Variants in PTDSS1 observed in about 807,000 individuals in gnomAD.
PTDSS1 encodes the protein phosphatidylserine synthase 1.
In PTDSS1, 45 loss-of-function variants were observed where a neutral mutation model predicts 70.5. That is an observed-to-expected ratio of 0.64 (90% CI 0.50 to 0.82). PTDSS1 has a LOEUF of 0.82. Ranked by LOEUF, PTDSS1 falls within the 40% of genes least tolerant of loss-of-function variation. The probability of loss-of-function intolerance (pLI) is 0.00; values close to 1 mark genes in which losing one functional copy is unlikely to be tolerated. For synonymous variants in PTDSS1, 188 were observed against 203.8 expected, an observed-to-expected ratio of 0.92 and a Z score of 0.66; for missense variants, 417 against 586.1, an observed-to-expected ratio of 0.71 and a Z score of 2.98.
At chr8:96,282,648 A>T (rs142573707) in intron 2 of PTDSS1, among the ~76,000 whole-genome samples, 1 of 152,222 alleles carries the variant, frequency 6.6e-6, no homozygotes, top group South Asian at 2.1e-4. Context: ...ACTGATTTTC[A>T]TAATAAGAAC....
intron 4 of PTDSS1, among the ~76,000 whole-genome samples, chr8:96,294,153 C>T (rs1179241931): frequency 6.6e-6 from 1 of 152,130 alleles, no homozygotes; most frequent in African/African-American, 2.4e-5. Context: ...AGTTGAAATG[C>T]ATTTTATCTG....
rs73271885 is a variant in PTDSS1 at position 96,299,602 on chromosome 8, A to G, written c.601-92A>G. 0.027 allele frequency: 35,881 copies of G among 1,305,924 alleles called. 3,311 individuals are homozygous for G. In the African/African-American group the frequency reaches 0.3, roughly 11 times the overall value. 80.9% of individuals were successfully genotyped at this position (1,305,924 alleles called of 1,614,324 possible). On this transcript the variant is annotated intron_variant, in intron 5 of 12. Transcript: ENST00000517309. ...AAATGAAATGTCAACAACTTCTTCT[A>G]AAATAATGTATTGTTAAAAAGGAAA...
At chr8:96,288,829 G>A (rs117002891) in intron 4 of PTDSS1, among the ~76,000 whole-genome samples, 1 of 148,508 alleles carries the variant, frequency 6.7e-6, no homozygotes, top group Non-Finnish European at 1.5e-5. Context: ...GGGTTTTAAC[G>A]TGTTGGCCAG....
At chr8:96,296,163 C>T (rs1395727973) in intron 5 of PTDSS1, among the ~76,000 whole-genome samples, 1 of 105,914 alleles carries the variant, frequency 9.4e-6, no homozygotes, top group Non-Finnish European at 1.8e-5. Flanking sequence ...TTTTTTGCGA[C>T]AGAGTCTTGC....
intron 2 of PTDSS1, among the ~76,000 whole-genome samples, chr8:96,280,043 T>G (rs2130032877): frequency 6.6e-6 from 1 of 152,258 alleles, no homozygotes; most frequent in African/African-American, 2.4e-5. Context: ...ATTAAAATAC[T>G]TTTATTTCCC....
chr8:96,332,280 T>G (rs991186333), intron 12 of PTDSS1, among the ~76,000 whole-genome samples: 4 of 152,176 alleles, frequency 2.6e-5, no homozygotes, highest in Admixed American at 1.3e-4. Context: ...CGTCAATCCT[T>G]ATAAGCTACT....
At chr8:96,309,096 G>T (rs193109730) in intron 8 of PTDSS1, 20 of 153,212 alleles carry the variant, frequency 1.3e-4, no homozygotes, top group Non-Finnish European at 2.3e-4. Flanking sequence ...CATGGAGCTA[G>T]ACATGGAAAC....
chr8:96,292,226 G>A (rs537745608), intron 4 of PTDSS1, among the ~76,000 whole-genome samples: 1 of 149,966 alleles, frequency 6.7e-6, no homozygotes, highest in South Asian at 2.1e-4. Context: ...TTTGAACCCG[G>A]GAGGCGGAGG....
intron 1 of PTDSS1, among the ~76,000 whole-genome samples, chr8:96,265,508 T>A (rs1391084511): frequency 6.6e-6 from 1 of 152,188 alleles, no homozygotes; most frequent in Non-Finnish European, 1.5e-5. Flanking sequence ...TAAAGTTAGA[T>A]ACTACCTAAT....
intron 3 of PTDSS1, among the ~76,000 whole-genome samples, chr8:96,286,172 C>T (rs1810819857): frequency 6.6e-6 from 1 of 152,146 alleles, no homozygotes; most frequent in African/African-American, 2.4e-5. Flanking sequence ...ATGCTGTGAT[C>T]CAAGGTCATT....
At chr8:96,293,886 A>G (rs1291917901) in intron 4 of PTDSS1, among the ~76,000 whole-genome samples, 3 of 144,116 alleles carry the variant, frequency 2.1e-5, no homozygotes, top group East Asian at 3.9e-4. Context: ...CCTTAACCTA[A>G]TATACAACCT....
intron 2 of PTDSS1, among the ~76,000 whole-genome samples, chr8:96,274,986 A>C (rs1810619958): frequency 6.6e-6 from 1 of 152,192 alleles, no homozygotes; most frequent in South Asian, 2.1e-4. Context: ...TTTAATGAAA[A>C]TCTGCATACC....
intron 12 of PTDSS1, 92 bp downstream of exon 12, chr8:96,331,187 T>G: frequency 8.0e-7 from 1 of 1,257,540 alleles, no homozygotes; most frequent in Non-Finnish European, 1.2e-6. Flanking sequence ...ATATAAGCCT[T>G]GAAGGGTCTC....
At chr8:96,284,244 T>G in intron 3 of PTDSS1, 91 bp downstream of exon 3, 1 of 1,179,824 alleles carries the variant, frequency 8.5e-7, no homozygotes, top group East Asian at 2.4e-5. Flanking sequence ...CTACTCTCAA[T>G]AGTTAAAACT....
intron 10 of PTDSS1, among the ~76,000 whole-genome samples, chr8:96,325,187 A>C (rs1811421746): frequency 6.6e-6 from 1 of 152,212 alleles, no homozygotes; most frequent in Non-Finnish European, 1.5e-5. Context: ...GGCACAAAGA[A>C]GTTCACTAAC....
chr8:96,319,436 A>G (rs1811343535), intron 9 of PTDSS1, among the ~76,000 whole-genome samples: 1 of 152,162 alleles, frequency 6.6e-6, no homozygotes, highest in African/African-American at 2.4e-5. Context: ...ATGAAGATAC[A>G]GAACACAAGA....
rs111621472 is a variant in PTDSS1 at position 96,318,407 on chromosome 8, T to C, written c.1074-1839T>C. Among the ~76,000 whole-genome samples the C allele has an allele frequency of 3.0e-3, 454 of 152,240 alleles. 4 individuals are homozygous for C. The highest frequency in any genetic ancestry group is 0.01 in the African/African-American group (432 of 41,532). Reference sequence around the variant, plus strand: ...AACTCAGGGTGTTCTGTCCGGCTTATGGGTAGATAATCACACTTATGTCCT... The same window carrying C: ...AACTCAGGGTGTTCTGTCCGGCTTACGGGTAGATAATCACACTTATGTCCT... On this transcript the variant is annotated intron_variant, in intron 9 of 12. Transcript: ENST00000517309.
intron 1 of PTDSS1, among the ~76,000 whole-genome samples, chr8:96,263,806 C>A (rs1249173708): frequency 6.6e-6 from 1 of 151,896 alleles, no homozygotes; most frequent in Non-Finnish European, 1.5e-5. Flanking sequence ...CGTTTGCATA[C>A]ACACACACAA....
At position 96,261,964 on chromosome 8, in the gene PTDSS1, T is replaced by C; in HGVS notation, c.-77T>C. The C allele has an allele frequency of 2.0e-6, 3 of 1,464,142 alleles. No homozygotes were observed. The highest frequency in any genetic ancestry group is 2.0e-5 in the Admixed American group (1 of 49,374). The allele number at this position is 1,464,142 out of a possible 1,614,324, so 90.7% of individuals were successfully genotyped here. On this transcript the variant is annotated 5_prime_UTR_variant, in exon 1 of 13. Transcript: ENST00000517309. Reference sequence around the variant, plus strand: ...CTTTGCCGTCCGGCTATTAGCCTACTGTGGCTAGTCACCCCCGGGGTCCCG... The same window carrying C: ...CTTTGCCGTCCGGCTATTAGCCTACCGTGGCTAGTCACCCCCGGGGTCCCG...
Sources: allele counts gnomAD v4.1 joint callset (sites outside exome capture counted in the v4.1 genomes callset), GRCh38; gene constraint gnomAD v4.1.1; transcripts MANE v1.5; gene names NCBI Gene and HGNC (gene_info 2026-07-23, HGNC 2026-07-21).